Variants in AP3B1 observed in about 807,000 individuals in gnomAD.
The protein encoded by AP3B1 is AP-3 complex subunit beta-1.
Under a neutral mutation model 132.5 loss-of-function variants are expected in AP3B1, and 61 were observed. The observed-to-expected ratio is 0.46, with a 90% confidence interval of 0.37 to 0.57. AP3B1 has a LOEUF of 0.57. Ranked by LOEUF, AP3B1 falls within the 20% of genes least tolerant of loss-of-function variation. AP3B1 has a pLI of 0.00. For synonymous variants in AP3B1, 388 were observed against 438.3 expected (o/e 0.89, Z 1.43); for missense variants, 1,120 against 1,289.4 (o/e 0.87, Z 2.01).
rs1411276402 is a variant in AP3B1 at position 78,141,330 on chromosome 5, A to T, written c.1474-11T>A. ...TCTAGCAACAGGAACCTAATATGAGAAGCAGATTACATAGTTAGAAGTAAG... is the reference window on the plus strand; with the variant it reads ...TCTAGCAACAGGAACCTAATATGAGTAGCAGATTACATAGTTAGAAGTAAG... On this transcript the variant is annotated splice_polypyrimidine_tract_variant and intron_variant, in intron 14 of 26. Coordinates refer to ENST00000255194, the MANE Select transcript of AP3B1 (RefSeq NM_003664.5). 1.9e-6 allele frequency: 3 copies of T among 1,609,790 alleles called. No homozygotes were observed. In the Admixed American group the frequency reaches 5.0e-5, roughly 27 times the overall value.
In AP3B1 at chr5:78,065,339, G is replaced by T. The variant is rs1749241279; in HGVS notation, c.2577+24054C>A. On this transcript the variant is annotated intron_variant, in intron 22 of 26. Transcript: ENST00000255194. ...AGCCATCATCATACAGCTGCCTGCT[G>T]CCTAAGATGACTGAGCTTTGGCAGG... 2.6e-5 allele frequency among the ~76,000 whole-genome samples: 4 copies of T among 152,126 alleles called. No individual in the cohort carries two copies. In the South Asian group the frequency reaches 8.3e-4, roughly 32 times the overall value.
Position 78,227,422 on chromosome 5 carries a change from T to C in AP3B1, c.486A>G (p.Leu162=). The C allele has an allele frequency of 6.2e-7, 1 of 1,613,792 alleles. No individual in the cohort carries two copies. The highest frequency in any genetic ancestry group is 8.5e-7 in the Non-Finnish European group (1 of 1,179,778). ...MLAIKEASAD[L]SPYVRKNAAH... is the part of the protein sequence containing the mutation. ...CTGCATTCTTCCTAACATATGGTGA[T>C]AAGTCAGCAGAAGCTTCCTTAATAG... Residue 162 remains leucine, a synonymous_variant, in exon 5 of 27, where the codon TTA becomes TTG. Transcript: ENST00000255194.
chr5:78,159,930 C>A (rs1743319538), intron 13 of AP3B1, among the ~76,000 whole-genome samples: 1 of 152,124 alleles, frequency 6.6e-6, no homozygotes, highest in African/African-American at 2.4e-5. Flanking sequence ...TCTTAATGGA[C>A]CTAACTTTAA....
chr5:78,171,038 A>G (rs887647431), intron 11 of AP3B1, among the ~76,000 whole-genome samples: 12 of 152,112 alleles, frequency 7.9e-5, no homozygotes, highest in African/African-American at 2.7e-4. Context: ...AAGATCAGAT[A>G]GTTGTAGATA....
intron 26 of AP3B1, among the ~76,000 whole-genome samples, chr5:78,003,983 G>A (rs1009648225): frequency 6.6e-6 from 1 of 152,162 alleles, no homozygotes; most frequent in African/African-American, 2.4e-5. Context: ...CACACTTTTT[G>A]GGGGAGGGGG....
chr5:78,064,267 C>A (rs1375126849), intron 22 of AP3B1, among the ~76,000 whole-genome samples: 1 of 151,780 alleles, frequency 6.6e-6, no homozygotes, highest in Admixed American at 6.6e-5. Flanking sequence ...AGAAGCATTA[C>A]CTTATATACG....
In AP3B1 at chr5:78,160,577, C is replaced by T. The variant is rs1743348613; in HGVS notation, c.1363+2242G>A. The stretch of plus-strand genomic sequence containing the variant: ...TTTAAAAACAATTGAGCCTAAATGT[C>T]CCTGAGGTTTAAAGATTCATTATTT... On this transcript the variant is annotated intron_variant, in intron 13 of 26. Coordinates refer to ENST00000255194, the MANE Select transcript of AP3B1 (RefSeq NM_003664.5). Among the ~76,000 whole-genome samples the T allele has an allele frequency of 1.3e-5, 2 of 151,958 alleles. 1 individual carries two copies. The highest frequency in any genetic ancestry group is 4.1e-4 in the South Asian group (2 of 4,822).
chr5:78,230,017 C>T (rs958174161), intron 3 of AP3B1, among the ~76,000 whole-genome samples: 5 of 152,002 alleles, frequency 3.3e-5, no homozygotes, highest in African/African-American at 1.2e-4. Flanking sequence ...TTTTTTTCAG[C>T]GTGACACTAC....
At chr5:78,094,553 G>A (rs962182599) in intron 21 of AP3B1, among the ~76,000 whole-genome samples, 1 of 152,050 alleles carries the variant, frequency 6.6e-6, no homozygotes, top group Admixed American at 6.5e-5. Context: ...CTATTGCTAG[G>A]GTTGCTGCCT....
At chr5:78,288,441 A>G (rs1407549240) in intron 1 of AP3B1, among the ~76,000 whole-genome samples, 1 of 152,198 alleles carries the variant, frequency 6.6e-6, no homozygotes, top group Non-Finnish European at 1.5e-5. Context: ...AAGACTAAAA[A>G]TCCTGATTGT....
chr5:78,117,786 A>C (rs1371887632), intron 17 of AP3B1, among the ~76,000 whole-genome samples: 1 of 152,236 alleles, frequency 6.6e-6, no homozygotes, highest in African/African-American at 2.4e-5. Flanking sequence ...AACCACTTTA[A>C]TACAGAGTAT....
At chr5:78,203,066 C>T (rs1424504091) in intron 7 of AP3B1, among the ~76,000 whole-genome samples, 1 of 152,162 alleles carries the variant, frequency 6.6e-6, no homozygotes, top group Non-Finnish European at 1.5e-5. Context: ...TACCTTCTGG[C>T]CCCATGGTTT....
chr5:78,003,551 T>C (rs1435387890), intron 26 of AP3B1: 1 of 403,720 alleles, frequency 2.5e-6, no homozygotes, highest in Non-Finnish European at 3.4e-6. Context: ...AAATTCTTAC[T>C]AAGTTTCAAT....
chr5:78,113,810 C>G lies in AP3B1; in HGVS notation c.2191G>C (p.Glu731Gln). Residue 731 changes from glutamate to glutamine, a missense_variant, in exon 19 of 27, where the codon GAG becomes CAG. By Grantham distance (29) the Glu-to-Gln change is conservative (BLOSUM62 2). Around this residue, in one of 3 missense-constraint regions of AP3B1, gnomAD observed 906 missense variants for 997.1 expected, o/e 0.91. Transcript: ENST00000255194. ...SSEQDSESGR[E>Q]SGLENKRTAK... ...GTTCTTTTGTTTTCTAGGCCTGACTCCCGTCCACTCTCACTGTCCTGCTCA... is the reference window on the plus strand; with the variant it reads ...GTTCTTTTGTTTTCTAGGCCTGACTGCCGTCCACTCTCACTGTCCTGCTCA... 1 of 1,614,156 alleles carries G rather than the reference C, an allele frequency of 6.2e-7. No individual in the cohort carries two copies. Among genetic ancestry groups the G allele is most frequent in the Non-Finnish European group, 8.5e-7 (1 of 1,180,030 alleles).
chr5:78,069,850 ATAC>A (rs1437770106), intron 22 of AP3B1, among the ~76,000 whole-genome samples: 1 of 152,220 alleles, frequency 6.6e-6, no homozygotes, highest in East Asian at 1.9e-4. Context: ...ACTTCAAACT[ATAC>A]TACAAGGCTA....
intron 11 of AP3B1, among the ~76,000 whole-genome samples, chr5:78,166,117 T>TCTCTCACA (rs1491469232): frequency 3.7e-5 from 5 of 135,838 alleles, no homozygotes; most frequent in African/African-American, 1.1e-4. Flanking sequence ...TGAAACTCTG[T>TCTCTCACA]CACACACACA....
At chr5:78,226,001 T>C (rs984149442) in intron 5 of AP3B1, among the ~76,000 whole-genome samples, 8 of 152,052 alleles carry the variant, frequency 5.3e-5, no homozygotes, top group East Asian at 1.9e-4. Flanking sequence ...AAAACAAATA[T>C]GGAGAATTTC....
chr5:78,294,514 C>T lies in AP3B1; in HGVS notation c.66G>A (p.Gln22=). The change falls in exon 1 of 27, where the codon CAG becomes CAA. Residue 22 remains glutamine (Q), a synonymous_variant. Transcript: ENST00000255194. ...SGGGEATELG[Q]EATSTISPSG... The stretch of plus-strand genomic sequence containing the variant: ...AGGGGGAAATGGTTGAGGTCGCCTC[C>T]TGACCCAGCTCCGTCGCCTCCCCTC... The T allele has an allele frequency of 1.2e-6, 2 of 1,614,270 alleles. No individual in the cohort carries two copies. The highest frequency in any genetic ancestry group is 1.7e-6 in the Non-Finnish European group (2 of 1,180,054).
At chr5:78,132,432 G>C (rs1752729583) in intron 15 of AP3B1, among the ~76,000 whole-genome samples, 2 of 152,208 alleles carry the variant, frequency 1.3e-5, no homozygotes, top group South Asian at 4.1e-4. Context: ...AATGAAAAAA[G>C]TCTATTTTTG....
Sources: allele counts gnomAD v4.1 joint callset (sites outside exome capture counted in the v4.1 genomes callset), GRCh38; gene constraint gnomAD v4.1.1; regional missense constraint gnomAD v4.1.1; transcripts MANE v1.5; gene names NCBI Gene and HGNC (gene_info 2026-07-23, HGNC 2026-07-21).